MYO3A: variants seen among roughly 807,000 people sequenced by gnomAD.
MYO3A encodes the protein myosin IIIA, also known as myosin-IIIa.
A neutral mutation model predicts 192.7 loss-of-function variants in MYO3A; 180 were observed. The observed-to-expected ratio is 0.93, with a 90% CI of 0.83 to 1.06. The LOEUF is 1.06. Among genes scored for constraint, MYO3A ranks in the 50% least tolerant of loss-of-function variants. The probability of loss-of-function intolerance (pLI) is 0.00; values close to 1 mark genes in which losing one functional copy is unlikely to be tolerated. For missense variants in MYO3A, 1,896 were observed against 1,905.0 expected, an observed-to-expected ratio of 1.00 and a Z score of 0.09; for synonymous variants, 628 against 645.3, an observed-to-expected ratio of 0.97 and a Z score of 0.41.
At chr10:26,186,883 A>G (rs1842895362) in intron 31 of MYO3A, among the ~76,000 whole-genome samples, 1 of 152,196 alleles carries the variant, frequency 6.6e-6, no homozygotes, top group South Asian at 2.1e-4. Context: ...TATATTTAAT[A>G]GGCAAATATG....
intron 4 of MYO3A, among the ~76,000 whole-genome samples, chr10:25,987,411 A>T (rs1291926291): frequency 6.6e-6 from 1 of 152,246 alleles, no homozygotes; most frequent in Non-Finnish European, 1.5e-5. Context: ...AATAATCAGT[A>T]GAGTTAGCAG....
intron 15 of MYO3A, 35 bp from the exon 16 acceptor site, chr10:26,096,342 TCTTA>T (rs776372583): frequency 1.4e-6 from 2 of 1,403,818 alleles, no homozygotes; most frequent in Non-Finnish European, 2.0e-6. Context: ...CAAGAAATGT[TCTTA>T]CTAACTACCT....
intron 20 of MYO3A, among the ~76,000 whole-genome samples, chr10:26,129,328 G>T (rs1564577295): frequency 6.6e-6 from 1 of 152,092 alleles, no homozygotes; most frequent in Non-Finnish European, 1.5e-5. Flanking sequence ...GCCAAAAGAA[G>T]ACATAAATTT....
chr10:26,115,099 C>T (rs1838421225), intron 17 of MYO3A, among the ~76,000 whole-genome samples: 1 of 152,220 alleles, frequency 6.6e-6, no homozygotes, highest in East Asian at 1.9e-4. Context: ...CACCTTCCTT[C>T]TCATGCCTTG....
intron 31 of MYO3A, among the ~76,000 whole-genome samples, chr10:26,186,044 TTTGCTACCATGAAAAATGTTGCA>T (rs1842850904): frequency 6.6e-6 from 1 of 152,216 alleles, no homozygotes; most frequent in African/African-American, 2.4e-5. Flanking sequence ...GTTTCCATTT[TTTGCTACCATGAAAAATGTTGCA>T]GTAAATATCA....
intron 9 of MYO3A, 77 bp downstream of exon 9, chr10:26,024,164 T>C: frequency 1.5e-6 from 2 of 1,324,912 alleles, no homozygotes; most frequent in Non-Finnish European, 2.2e-6. Context: ...TTTCTTCTTA[T>C]CTGTTAAACA....
chr10:26,021,554 A>T lies in MYO3A; in HGVS notation c.637A>T (p.Thr213Ser). Residue 213 changes from threonine (T) to serine (S), a missense_variant, in exon 8 of 35, where the codon ACT becomes TCT. By Grantham distance (58) the Thr-to-Ser change is moderately conservative. Transcript: ENST00000642920. ...LDTTYDARCDTWSLGITAIEL... is the reference protein window; with the variant it reads ...LDTTYDARCDSWSLGITAIEL... ...TACCACTTATGACGCCAGATGTGAC[A>T]CTTGGTCCCTGGGTATCACGGCCAT... 1 of 1,614,130 alleles carries T rather than the reference A, an allele frequency of 6.2e-7. No homozygotes were observed. Among genetic ancestry groups the T allele is most frequent in the Non-Finnish European group, 8.5e-7 (1 of 1,179,958 alleles).
At chr10:25,944,474 G>A (rs770856686) in intron 2 of MYO3A, among the ~76,000 whole-genome samples, 2 of 152,060 alleles carry the variant, frequency 1.3e-5, no homozygotes, top group Non-Finnish European at 1.5e-5. Flanking sequence ...AAGGATTGTC[G>A]TTAATTATTC....
chr10:26,076,931 T>C (rs933364035), intron 14 of MYO3A, among the ~76,000 whole-genome samples: 1 of 152,162 alleles, frequency 6.6e-6, no homozygotes, highest in Non-Finnish European at 1.5e-5. Flanking sequence ...AGTAGTGTGA[T>C]GCCTCAAGAT....
intron 17 of MYO3A, among the ~76,000 whole-genome samples, chr10:26,097,535 C>T (rs900196141): frequency 2.0e-5 from 3 of 152,028 alleles, no homozygotes; most frequent in African/African-American, 2.4e-5. Flanking sequence ...ATCCCTCCCC[C>T]CTGCCCCCAC....
At chr10:26,009,128 C>CA (rs1395819471) in intron 6 of MYO3A, among the ~76,000 whole-genome samples, 1 of 148,788 alleles carries the variant, frequency 6.7e-6, no homozygotes, top group East Asian at 1.9e-4. Flanking sequence ...ATTGCAAGAA[C>CA]AAAAAACCAA....
At chr10:26,017,604 TTATAA>T (rs1842052650) in intron 7 of MYO3A, among the ~76,000 whole-genome samples, 1 of 152,078 alleles carries the variant, frequency 6.6e-6, no homozygotes, top group Admixed American at 6.5e-5. Flanking sequence ...TTTTCAAATC[TTATAA>T]TTAAATTTGA....
intron 4 of MYO3A, among the ~76,000 whole-genome samples, chr10:25,962,533 A>G (rs1253698498): frequency 6.6e-6 from 1 of 152,218 alleles, no homozygotes; most frequent in Non-Finnish European, 1.5e-5. Context: ...TAAAGGGAGA[A>G]CCAATGTTTT....
chr10:26,144,082 TAA>T (rs1840319279), intron 21 of MYO3A, among the ~76,000 whole-genome samples: 2 of 152,286 alleles, frequency 1.3e-5, no homozygotes, highest in South Asian at 2.1e-4. Context: ...ATAATAATCC[TAA>T]GTCATCAAAG....
chr10:26,192,810 C>T (rs1049406384), intron 31 of MYO3A, among the ~76,000 whole-genome samples: 3 of 151,986 alleles, frequency 2.0e-5, no homozygotes, highest in African/African-American at 4.8e-5. Context: ...CCCACCACCA[C>T]GCCTGACTAA....
intron 4 of MYO3A, among the ~76,000 whole-genome samples, chr10:25,967,528 A>T (rs569497232): frequency 1.3e-5 from 2 of 152,352 alleles, no homozygotes; most frequent in South Asian, 4.1e-4. Context: ...CTACAATTCA[A>T]TAATGTAACA....
At chr10:26,073,255 G>C (rs1208415120) in intron 14 of MYO3A, among the ~76,000 whole-genome samples, 2 of 151,998 alleles carry the variant, frequency 1.3e-5, no homozygotes, top group East Asian at 3.9e-4. Context: ...ACTGATACAA[G>C]CAATAATGAA....
At chr10:26,034,655 G>A (rs1158688027) in intron 10 of MYO3A, among the ~76,000 whole-genome samples, 4 of 151,732 alleles carry the variant, frequency 2.6e-5, no homozygotes, top group African/African-American at 4.9e-5. Flanking sequence ...AGATCTAGTC[G>A]CTAGTCTAGA....
chr10:26,040,594 A>G (rs1024427121), intron 10 of MYO3A, among the ~76,000 whole-genome samples: 11 of 152,150 alleles, frequency 7.2e-5, no homozygotes, highest in African/African-American at 1.9e-4. Context: ...AATGCAAAAT[A>G]CTTCATGACA....
Sources: gnomAD v4.1 joint callset for allele counts (sites outside exome capture counted in the v4.1 genomes callset) on GRCh38, gnomAD v4.1.1 for gene constraint, MANE v1.5 for transcripts, NCBI Gene and HGNC (gene_info 2026-07-23, HGNC 2026-07-21) for gene names.